CFAP418: variants seen among roughly 807,000 people sequenced by gnomAD.
The protein encoded by CFAP418 is cilia and flagella associated protein 418, also known as cilia- and flagella-associated protein 418.
A neutral mutation model predicts 24.7 loss-of-function variants in CFAP418; 27 were observed. That is an observed-to-expected ratio of 1.09 (90% CI 0.81 to 1.51). The LOEUF (loss-of-function observed/expected upper bound fraction) is 1.51. Among genes scored for constraint, CFAP418 ranks in the 40% most tolerant of loss-of-function variants. The probability of loss-of-function intolerance (pLI) is 0.00; values close to 1 mark genes in which losing one functional copy is unlikely to be tolerated. For missense variants in CFAP418, 257 were observed against 255.2 expected, an observed-to-expected ratio of 1.01 and a Z score of -0.05; for synonymous variants, 74 against 87.3, an observed-to-expected ratio of 0.85 and a Z score of 0.85.
chr8:95,263,572 G>A (rs1811926674), intron 2 of CFAP418, 115 bp downstream of exon 2: 2 of 585,188 alleles, frequency 3.4e-6, no homozygotes, highest in African/African-American at 3.7e-5. Flanking sequence ...TTAAGTAATT[G>A]TATTTCTCAG....
rs759733354 is a variant in CFAP418 at position 95,252,263 on chromosome 8, C to T, written c.395G>A (p.Cys132Tyr). Residue 132 changes from cysteine to tyrosine, a missense_variant, in exon 5 of 6, where the codon TGT becomes TAT. Physicochemically the swap from Cys to Tyr is radical, Grantham distance 194 (BLOSUM62 -2). Transcript: ENST00000286688. ...ISWRACDHLR[C>Y]IACDFLVVSY... Reference sequence around the variant, plus strand: ...GACTACCAAGAAATCACAGGCTATACAACGCAGATGGTCACATGCTCTGTT... The same window carrying T: ...GACTACCAAGAAATCACAGGCTATATAACGCAGATGGTCACATGCTCTGTT... The T allele has an allele frequency of 3.0e-5, 48 of 1,613,238 alleles. No homozygotes were observed. The highest frequency in any genetic ancestry group is 4.0e-5 in the Non-Finnish European group (47 of 1,179,530).
intron 4 of CFAP418, among the ~76,000 whole-genome samples, chr8:95,258,932 G>A (rs1345405799): frequency 6.6e-6 from 1 of 152,052 alleles, no homozygotes; most frequent in Non-Finnish European, 1.5e-5. Flanking sequence ...TATCATCTAG[G>A]TTTGTGTAAG....
rs771784860 is a variant in CFAP418, at chr8:95,269,084, C to T, written c.106G>A (p.Gly36Ser). ...TGGTTCCGGTCGCTACTGTGGGTGC[C>T]GCCGCCGCAGCCTTTGGGCTGCTCG... ...MVEQPKGCGG[G>S]THSSDRNQAK... is the part of the protein sequence containing the mutation. Residue 36 changes from glycine to serine, a missense_variant, in exon 1 of 6, where the codon GGC becomes AGC. Physicochemically the swap from Gly to Ser is moderately conservative, Grantham distance 56. Coordinates refer to ENST00000286688, the MANE Select transcript of CFAP418 (RefSeq NM_177965.4). 9.3e-6 allele frequency: 15 copies of T among 1,614,046 alleles called. No individual in the cohort carries two copies. The highest frequency in any genetic ancestry group is 1.7e-5 in the Admixed American group (1 of 60,014).
rs993962256 is a variant in CFAP418, at chr8:95,268,170, G to C, written c.155+865C>G. On this transcript the variant is annotated intron_variant, in intron 1 of 5. Transcript: ENST00000286688. ...TAAAAAAATAAAACAAACTGAGTCAGGTGCGATGGCTCGCAACTGTAATCC... is the reference window on the plus strand; with the variant it reads ...TAAAAAAATAAAACAAACTGAGTCACGTGCGATGGCTCGCAACTGTAATCC... 9.2e-5 allele frequency among the ~76,000 whole-genome samples: 14 copies of C among 152,152 alleles called. 1 individual carries two copies. Among genetic ancestry groups the C allele is most frequent in the Non-Finnish European group, 1.5e-5 (1 of 68,038 alleles).
intron 4 of CFAP418, among the ~76,000 whole-genome samples, chr8:95,254,244 A>G (rs565195738): frequency 2.8e-4 from 42 of 152,238 alleles, no homozygotes; most frequent in Non-Finnish European, 5.1e-4. Flanking sequence ...TACTGCCACC[A>G]TGCTTCCTAC....
intron 3 of CFAP418, 104 bp from the exon 4 acceptor site, chr8:95,260,009 C>T: frequency 1.3e-6 from 1 of 787,762 alleles, no homozygotes; most frequent in Non-Finnish European, 2.0e-6. Context: ...ACTTTATGTT[C>T]TTGTAATCAA....
chr8:95,268,031 G>A (rs1213004949), intron 1 of CFAP418, among the ~76,000 whole-genome samples: 1 of 152,146 alleles, frequency 6.6e-6, no homozygotes, highest in Non-Finnish European at 1.5e-5. Flanking sequence ...ATTTCCATAT[G>A]TATGTCTGGC....
chr8:95,258,532 A>C (rs1004742614), intron 4 of CFAP418, among the ~76,000 whole-genome samples: 1 of 152,124 alleles, frequency 6.6e-6, no homozygotes, highest in African/African-American at 2.4e-5. Context: ...AAAATAAAAA[A>C]ATTTATAAAT....
At position 95,247,465 on chromosome 8, in the gene CFAP418, T is replaced by C. The variant is rs1053965114; in HGVS notation, c.*152A>G. 6 of 762,018 alleles carry C rather than the reference T, an allele frequency of 7.9e-6. No individual in the cohort carries two copies. The highest frequency in any genetic ancestry group is 2.6e-5 in the Admixed American group (1 of 38,604). 47.2% of individuals were successfully genotyped at this position (762,018 alleles called of 1,614,324 possible). A position where few individuals can be genotyped will look rare whatever the true frequency, so the allele number is the denominator to read the frequency against. ...TAATACATGATCTTCCTTAGTCCAT[T>C]TGGTCTTCAAAAATGTATGTAGTTG... is the stretch of plus-strand genomic sequence containing the variant. On this transcript the variant is annotated 3_prime_UTR_variant, in exon 6 of 6. Coordinates refer to ENST00000286688, the MANE Select transcript of CFAP418 (RefSeq NM_177965.4).
intron 1 of CFAP418, 68 bp from the exon 2 acceptor site, chr8:95,263,842 G>A: frequency 1.1e-6 from 1 of 923,710 alleles, no homozygotes; most frequent in Non-Finnish European, 1.7e-6. Context: ...AGTATCAGAA[G>A]AGTTTTGCTT....
In CFAP418 at chr8:95,269,191, T is replaced by G; in HGVS notation, c.-2A>C. On this transcript the variant is annotated 5_prime_UTR_variant, in exon 1 of 6. Transcript: ENST00000286688. Reference sequence around the variant, plus strand: ...GAGCTCGTCCAGGTCCTCCGCCATCTTGAATCGCCTGGCCTTTTCCCCTCC... The same window carrying G: ...GAGCTCGTCCAGGTCCTCCGCCATCGTGAATCGCCTGGCCTTTTCCCCTCC... 1 of 1,614,028 alleles carries G rather than the reference T, an allele frequency of 6.2e-7. No individual in the cohort carries two copies. The highest frequency in any genetic ancestry group is 1.3e-5 in the African/African-American group (1 of 75,070).
intron 5 of CFAP418, among the ~76,000 whole-genome samples, chr8:95,250,589 T>C (rs1489661793): frequency 1.3e-5 from 2 of 152,218 alleles, no homozygotes; most frequent in African/African-American, 4.8e-5. Context: ...TTAGATTAAC[T>C]AGTAGACAGT....
intron 5 of CFAP418, 117 bp from the exon 6 acceptor site, chr8:95,247,887 A>C: frequency 5.6e-6 from 6 of 1,064,544 alleles, no homozygotes; most frequent in Non-Finnish European, 7.8e-6. Flanking sequence ...TAGGAGTCTC[A>C]TTGTTACTCA....
At chr8:95,255,381 G>C (rs1432736690) in intron 4 of CFAP418, among the ~76,000 whole-genome samples, 1 of 152,144 alleles carries the variant, frequency 6.6e-6, no homozygotes, top group Non-Finnish European at 1.5e-5. Flanking sequence ...AAACATGCGT[G>C]TGCTCTGGCT....
In CFAP418 at chr8:95,264,313, C is replaced by CCTG. The variant is rs1347891834; in HGVS notation, c.156-540_156-539insCAG. On this transcript the variant is annotated intron_variant, in intron 1 of 5. Coordinates refer to ENST00000286688, the MANE Select transcript of CFAP418 (RefSeq NM_177965.4). Reference sequence around the variant, plus strand: ...CTACCTCTACCTTCTGCAGGCAAAGCCATCACTGGATTATTAATATAAACC... The same window carrying CCTG: ...CTACCTCTACCTTCTGCAGGCAAAGCCTGCATCACTGGATTATTAATATAAACC... Among the ~76,000 whole-genome samples the CCTG allele has an allele frequency of 1.7e-4, 26 of 152,284 alleles. No homozygotes were observed. The East Asian group carries it at 4.8e-3, about 28-fold the overall frequency.
At chr8:95,267,036 G>C (rs935769866) in intron 1 of CFAP418, among the ~76,000 whole-genome samples, 1 of 152,176 alleles carries the variant, frequency 6.6e-6, no homozygotes, top group African/African-American at 2.4e-5. Context: ...AAGTACTAAA[G>C]AAATTGCAAA....
chr8:95,245,712 C>G lies in CFAP418; in HGVS notation c.*1905G>C, dbSNP rs2132150013. ...AGAGATCGTGCCACTGCACTCCAGC[C>G]CGGCAACAGAGTGACACTCCATCTC... On this transcript the variant is annotated 3_prime_UTR_variant, in exon 6 of 6. Transcript: ENST00000286688. 6.6e-6 allele frequency: 1 copy of G among 152,176 alleles called. No homozygotes were observed. Among genetic ancestry groups the G allele is most frequent in the African/African-American group, 2.4e-5 (1 of 41,502 alleles). 9.4% of individuals were successfully genotyped at this position (152,176 alleles called of 1,614,324 possible).
intron 1 of CFAP418, among the ~76,000 whole-genome samples, chr8:95,267,673 G>A (rs76912300): frequency 0.017 from 2,532 of 152,146 alleles, 43 homozygotes; most frequent in Non-Finnish European, 0.019. Context: ...TAATACTTTG[G>A]GAAATCACAC....
At chr8:95,264,550 G>A (rs1351564528) in intron 1 of CFAP418, among the ~76,000 whole-genome samples, 6 of 152,176 alleles carry the variant, frequency 3.9e-5, no homozygotes, top group African/African-American at 1.4e-4. Flanking sequence ...GAAAAGGCTT[G>A]GAATTGAATC....
Sources: allele counts gnomAD v4.1 joint callset (sites outside exome capture counted in the v4.1 genomes callset), GRCh38; gene constraint gnomAD v4.1.1; transcripts MANE v1.5; gene names NCBI Gene and HGNC (gene_info 2026-07-23, HGNC 2026-07-21).